The following GALNTL5 variants were observed in gnomAD, a reference collection of about 807,000 sequenced individuals.
GALNTL5 encodes polypeptide N-acetylgalactosaminyltransferase like 5.
GALNTL5 carries 44 observed loss-of-function variants against 51.0 expected under a neutral mutation model. The ratio of observed to expected loss-of-function variants is 0.86; its 90% CI spans 0.68 to 1.11. The LOEUF is 1.11. Among genes scored for constraint, GALNTL5 ranks in the 50% least tolerant of loss-of-function variants. The probability of loss-of-function intolerance (pLI) is 0.00; values close to 1 mark genes in which losing one functional copy is unlikely to be tolerated. For missense variants in GALNTL5, 528 were observed against 531.8 expected (o/e 0.99, Z 0.07); for synonymous variants, 192 against 182.8 (o/e 1.05, Z -0.41).
At position 152,007,192 on chromosome 7, in the gene GALNTL5, A is replaced by T. The variant is rs545707654; in HGVS notation, c.909-635A>T. On this transcript the variant is annotated intron_variant, in intron 6 of 8. Coordinates refer to ENST00000392800, the MANE Select transcript of GALNTL5 (RefSeq NM_145292.4). ...TTACAATTCACCTAATGTCTTTAGA[A>T]AGGGAGAGCTCTGAGCCCTGCTACC... is the stretch of plus-strand genomic sequence containing the variant. Among the ~76,000 whole-genome samples the T allele has an allele frequency of 1.3e-3, 199 of 152,268 alleles. 1 individual carries two copies. Among genetic ancestry groups the T allele is most frequent in the African/African-American group, 4.6e-3 (192 of 41,554 alleles).
In GALNTL5 at chr7:152,019,721, A is replaced by C. The variant is rs766612376; in HGVS notation, c.1252A>C (p.Lys418Gln). The change falls in exon 9 of 9, where the codon AAA (lysine) becomes CAA (glutamine). Residue 418 changes from lysine (K) to glutamine (Q), a missense_variant. Physicochemically the swap from Lys to Gln is moderately conservative, Grantham distance 53 (BLOSUM62 1). Transcript: ENST00000392800. ...TATTCGCGAGCGTGTTGAGTTAAGG[A>C]AACGACTGGGTTGCAAGTCATTTCA... ...GNIRERVELR[K>Q]RLGCKSFQWY... 7 of 1,614,084 alleles carry C rather than the reference A, an allele frequency of 4.3e-6. No individual in the cohort carries two copies. In the Middle Eastern group the frequency reaches 4.9e-4, roughly 114 times the overall value.
chr7:152,009,061 G>A (rs534651321), intron 7 of GALNTL5, among the ~76,000 whole-genome samples: 18 of 152,012 alleles, frequency 1.2e-4, no homozygotes, highest in Non-Finnish European at 2.5e-4. Flanking sequence ...TTTCAATGGC[G>A]CCTTTCCTGA....
intron 5 of GALNTL5, among the ~76,000 whole-genome samples, chr7:151,988,353 G>C (rs1418564332): frequency 1.3e-5 from 2 of 152,208 alleles, no homozygotes; most frequent in Non-Finnish European, 2.9e-5. Flanking sequence ...CCGCATGTAG[G>C]GGAATGTTGG....
At chr7:151,981,104 G>A (rs1046535509) in intron 3 of GALNTL5, among the ~76,000 whole-genome samples, 35 of 152,054 alleles carry the variant, frequency 2.3e-4, no homozygotes, top group African/African-American at 8.5e-4. Flanking sequence ...CCAGGGATGG[G>A]GCACCTATGG....
At chr7:152,019,509 G>C (rs1275560199) in intron 8 of GALNTL5, 137 bp from the exon 9 acceptor site, 3 of 749,346 alleles carry the variant, frequency 4.0e-6, no homozygotes, top group Non-Finnish European at 6.4e-6. Context: ...TCATTCCCTA[G>C]ACAGAAAAAA....
chr7:152,003,167 C>T (rs1366380473), intron 6 of GALNTL5, among the ~76,000 whole-genome samples: 3 of 152,108 alleles, frequency 2.0e-5, no homozygotes, highest in Non-Finnish European at 4.4e-5. Flanking sequence ...TGATATTTAT[C>T]TTCATATCAT....
intron 3 of GALNTL5, among the ~76,000 whole-genome samples, chr7:151,980,659 G>A (rs2151945446): frequency 6.6e-6 from 1 of 151,690 alleles, no homozygotes; most frequent in East Asian, 1.9e-4. Flanking sequence ...GACTGTCCAG[G>A]ATGCCCATAG....
At chr7:151,981,804 C>T (rs999453379) in intron 3 of GALNTL5, among the ~76,000 whole-genome samples, 2 of 151,380 alleles carry the variant, frequency 1.3e-5, no homozygotes, top group Non-Finnish European at 2.9e-5. Flanking sequence ...CGTGCCACCA[C>T]ATCTGGCTAA....
At chr7:151,968,046 G>A (rs555399465) in intron 2 of GALNTL5, among the ~76,000 whole-genome samples, 10 of 152,146 alleles carry the variant, frequency 6.6e-5, no homozygotes, top group African/African-American at 1.9e-4. Context: ...ATGTAATCTC[G>A]ACCCTTTGGG....
chr7:152,003,888 T>A (rs2081611889), intron 6 of GALNTL5, among the ~76,000 whole-genome samples: 1 of 152,192 alleles, frequency 6.6e-6, no homozygotes, highest in African/African-American at 2.4e-5. Flanking sequence ...GGAAACTGTA[T>A]TCCTAATATT....
intron 3 of GALNTL5, among the ~76,000 whole-genome samples, chr7:151,973,297 A>T (rs2081169272): frequency 6.7e-6 from 1 of 148,828 alleles, no homozygotes; most frequent in Non-Finnish European, 1.5e-5. Flanking sequence ...TCTACTAAAA[A>T]TACAAAAAAA....
intron 7 of GALNTL5, among the ~76,000 whole-genome samples, chr7:152,013,256 G>C (rs1002358169): frequency 2.6e-5 from 4 of 151,926 alleles, no homozygotes; most frequent in African/African-American, 9.7e-5. Flanking sequence ...CTCATTACCT[G>C]GGTGATGAAA....
At chr7:151,956,742 TAAG>T (rs1329785978) in intron 1 of GALNTL5, 133 bp downstream of exon 1, 2 of 152,140 alleles carry the variant, frequency 1.3e-5, no homozygotes, top group African/African-American at 4.8e-5. Flanking sequence ...GGATTAGGTT[TAAG>T]AAGATTTATT....
chr7:151,971,082 T>C lies in GALNTL5; in HGVS notation c.368+17T>C, dbSNP rs770012021. 82 of 1,583,728 alleles carry C rather than the reference T, an allele frequency of 5.2e-5. No homozygotes were observed. The highest frequency in any genetic ancestry group is 4.9e-4 in the South Asian group (44 of 90,268). ...GAGTAAAATGTATGTTGTCTCTCTC[T>C]TTCTCTCATTCTCTAGATAGATAGA... On this transcript the variant is annotated intron_variant, in intron 3 of 8. Coordinates refer to ENST00000392800, the MANE Select transcript of GALNTL5 (RefSeq NM_145292.4).
At chr7:151,968,862 C>G (rs1278274691) in intron 2 of GALNTL5, among the ~76,000 whole-genome samples, 1 of 152,124 alleles carries the variant, frequency 6.6e-6, no homozygotes, top group East Asian at 1.9e-4. Flanking sequence ...ATTTGTATTT[C>G]CCTGATGACT....
chr7:151,959,793 A>C (rs957742746), intron 1 of GALNTL5, among the ~76,000 whole-genome samples: 2 of 152,152 alleles, frequency 1.3e-5, no homozygotes, highest in African/African-American at 2.4e-5. Flanking sequence ...ACTGGGGGGA[A>C]GGTCCTGAGG....
At chr7:151,970,759 AGC>A in intron 2 of GALNTL5, 184 bp from the exon 3 acceptor site, 1 of 427,360 alleles carries the variant, frequency 2.3e-6, no homozygotes, top group Non-Finnish European at 4.3e-6. Flanking sequence ...ATTCCTTTAT[AGC>A]AATGCAAAAT....
At position 151,970,972 on chromosome 7, in the gene GALNTL5, A is replaced by G; in HGVS notation, c.275A>G (p.Glu92Gly). 1 of 1,605,960 alleles carries G rather than the reference A, an allele frequency of 6.2e-7. No homozygotes were observed. ...ACAGATTTTAACCATACAAACCCAG[A>G]ACTTCATAAAGAACTTTTAAAATAT... is the stretch of plus-strand genomic sequence containing the variant. ...LGTDFNHTNP[E>G]LHKELLKYGF... is the part of the protein sequence containing the mutation. The change falls in exon 3 of 9, where the codon GAA becomes GGA. Residue 92 changes from glutamate to glycine, a missense_variant. Physicochemically the swap from Glu to Gly is moderately conservative, Grantham distance 98. Coordinates refer to ENST00000392800, the MANE Select transcript of GALNTL5 (RefSeq NM_145292.4).
At chr7:151,978,991 G>A (rs1044024822) in intron 3 of GALNTL5, among the ~76,000 whole-genome samples, 2 of 151,976 alleles carry the variant, frequency 1.3e-5, no homozygotes, top group Non-Finnish European at 2.9e-5. Flanking sequence ...GCCTAAAAGA[G>A]TCCTGCTTTG....
Sources: allele counts gnomAD v4.1 joint callset (sites outside exome capture counted in the v4.1 genomes callset), GRCh38; gene constraint gnomAD v4.1.1; transcripts MANE v1.5; gene names NCBI Gene and HGNC (gene_info 2026-07-23, HGNC 2026-07-21).